The following ADAMTSL1 variants were observed in gnomAD, a reference collection of about 807,000 sequenced individuals.
ADAMTSL1 encodes ADAMTS like 1.
ADAMTSL1 carries 126 observed loss-of-function variants against 201.8 expected under a neutral mutation model. The observed-to-expected ratio is 0.62, with a 90% CI of 0.54 to 0.72. The LOEUF (loss-of-function observed/expected upper bound fraction) is 0.72. ADAMTSL1 is among the 30% of genes least tolerant of loss of function. The pLI, the probability that ADAMTSL1 is intolerant of heterozygous loss-of-function variation, is 0.00. For missense variants in ADAMTSL1, 2,679 were observed against 2,277.8 expected (o/e 1.18, Z -3.59); for synonymous variants, 1,121 against 903.4 (o/e 1.24, Z -4.32).
At chr9:18,580,104 A>G (rs1466639803) in intron 4 of ADAMTSL1, among the ~76,000 whole-genome samples, 1 of 152,218 alleles carries the variant, frequency 6.6e-6, no homozygotes, top group African/African-American at 2.4e-5. Flanking sequence ...CATATTTATA[A>G]TATTGCTTAT....
chr9:18,810,682 T>G (rs1823444368), intron 20 of ADAMTSL1, among the ~76,000 whole-genome samples: 1 of 152,088 alleles, frequency 6.6e-6, no homozygotes, highest in Non-Finnish European at 1.5e-5. Flanking sequence ...AATGAATGAG[T>G]CTTTTCATTG....
chr9:18,696,178 C>CTGT (rs1831537993), intron 13 of ADAMTSL1, among the ~76,000 whole-genome samples: 2 of 152,160 alleles, frequency 1.3e-5, no homozygotes, highest in Non-Finnish European at 2.9e-5. Context: ...TGGACAGGGA[C>CTGT]ACAAATCCAA....
At chr9:18,364,373 A>G (rs1836670109) in intron 2 of ADAMTSL1, among the ~76,000 whole-genome samples, 1 of 152,128 alleles carries the variant, frequency 6.6e-6, no homozygotes, top group Admixed American at 6.5e-5. Context: ...TAAAAAACTC[A>G]GGCGACAATT....
At chr9:17,976,685 T>C (rs1022090624) in intron 1 of ADAMTSL1, among the ~76,000 whole-genome samples, 1 of 151,708 alleles carries the variant, frequency 6.6e-6, no homozygotes, top group African/African-American at 2.4e-5. Flanking sequence ...TTTCTCACTC[T>C]CTCTCTTGCT....
At chr9:18,412,966 A>ATG (rs1260956067) in intron 2 of ADAMTSL1, among the ~76,000 whole-genome samples, 1 of 152,084 alleles carries the variant, frequency 6.6e-6, no homozygotes, top group African/African-American at 2.4e-5. Flanking sequence ...AGAGATATCT[A>ATG]TGTGTGTGTG....
At chr9:18,102,655 T>A (rs755206138) in intron 1 of ADAMTSL1, among the ~76,000 whole-genome samples, 1 of 152,164 alleles carries the variant, frequency 6.6e-6, no homozygotes, top group South Asian at 2.1e-4. Context: ...GGCTGGTTTG[T>A]GCAAAGGTAC....
intron 16 of ADAMTSL1, among the ~76,000 whole-genome samples, chr9:18,769,064 A>C (rs1229448018): frequency 6.6e-6 from 1 of 152,176 alleles, no homozygotes; most frequent in African/African-American, 2.4e-5. Flanking sequence ...TACTTTTTAA[A>C]AGCTCCCCAG....
chr9:18,034,079 T>C (rs1027683945), intron 1 of ADAMTSL1, among the ~76,000 whole-genome samples: 1 of 152,208 alleles, frequency 6.6e-6, no homozygotes, highest in Non-Finnish European at 1.5e-5. Flanking sequence ...TCTTGCTTTT[T>C]CAATTGTTTC....
intron 26 of ADAMTSL1, among the ~76,000 whole-genome samples, chr9:18,898,191 A>G (rs1263768650): frequency 6.6e-6 from 1 of 152,230 alleles, no homozygotes; most frequent in African/African-American, 2.4e-5. Flanking sequence ...TCCGTCTCAA[A>G]AAAAGAAGGT....
At chr9:18,890,640 G>T (rs552127056) in intron 25 of ADAMTSL1, 1 of 455,884 alleles carries the variant, frequency 2.2e-6, no homozygotes, top group South Asian at 1.5e-5. Context: ...ACTTGCTGAC[G>T]GGAAGGTTTC....
chr9:18,622,761 G>C, intron 5 of ADAMTSL1: 1 of 351,088 alleles, frequency 2.8e-6, no homozygotes, highest in Non-Finnish European at 5.1e-6. Context: ...TCCTGTCACT[G>C]TGAAGTCACA....
intron 1 of ADAMTSL1, among the ~76,000 whole-genome samples, chr9:18,107,812 C>G (rs980256444): frequency 6.6e-6 from 1 of 152,038 alleles, no homozygotes; most frequent in Non-Finnish European, 1.5e-5. Flanking sequence ...AGGTATATAA[C>G]CTGGTACAGA....
chr9:18,132,001 C>T (rs983552797), intron 1 of ADAMTSL1, among the ~76,000 whole-genome samples: 2 of 152,060 alleles, frequency 1.3e-5, no homozygotes. Context: ...AGTGTTAATT[C>T]CTGAATTTAT....
rs935711269 is a variant in ADAMTSL1, at chr9:17,927,058, G to A, written c.87+20136G>A. Among the ~76,000 whole-genome samples the A allele has an allele frequency of 4.6e-5, 7 of 152,002 alleles. 1 individual carries two copies. The highest frequency in any genetic ancestry group is 1.3e-4 in the Admixed American group (2 of 15,248). On this transcript the variant is annotated intron_variant, in intron 1 of 29. Transcript: ENST00000680146. ...AGTCTATAGCCACGAACAACTCCTC[G>A]TTCTTTTCTTCCCCTATCCCCTGGC... is the stretch of plus-strand genomic sequence containing the variant.
At position 18,327,169 on chromosome 9, in the gene ADAMTSL1, T is replaced by TCTAAA. The variant is rs772863824; in HGVS notation, c.207+163188_207+163189insCTAAA. On this transcript the variant is annotated intron_variant, in intron 2 of 29. Coordinates refer to the ADAMTSL1 transcript ENST00000680146. ...TATGCAGCTTCTTTCTAAAGAGCAG[T>TCTAAA]GACACTCTTGTTTCTGTAATAACTG... 6.3e-3 allele frequency among the ~76,000 whole-genome samples: 956 copies of TCTAAA among 152,362 alleles called. 3 individuals are homozygous for TCTAAA. The highest frequency in any genetic ancestry group is 0.01 in the Non-Finnish European group (698 of 68,036).
At chr9:18,807,537 C>A (rs1429834837) in intron 20 of ADAMTSL1, among the ~76,000 whole-genome samples, 1 of 151,376 alleles carries the variant, frequency 6.6e-6, no homozygotes, top group Non-Finnish European at 1.5e-5. Flanking sequence ...CCCAGCTAGT[C>A]GGGAGCCTGA....
intron 2 of ADAMTSL1, among the ~76,000 whole-genome samples, chr9:18,462,957 A>G (rs1423944525): frequency 6.6e-6 from 1 of 151,952 alleles, no homozygotes; most frequent in Non-Finnish European, 1.5e-5. Flanking sequence ...AAAAATAAAA[A>G]TAAAAAATAA....
intron 9 of ADAMTSL1, among the ~76,000 whole-genome samples, chr9:18,664,269 T>C (rs569443971): frequency 2.8e-4 from 42 of 152,138 alleles, no homozygotes; most frequent in African/African-American, 9.9e-4. Context: ...AAGCAACCCT[T>C]CTGAATTCTA....
At chr9:18,695,681 T>G (rs1416270613) in intron 13 of ADAMTSL1, among the ~76,000 whole-genome samples, 1 of 152,216 alleles carries the variant, frequency 6.6e-6, no homozygotes, top group African/African-American at 2.4e-5. Context: ...ATTTACCAAG[T>G]CTTTAGGAAA....
Sources: gnomAD v4.1 joint callset for allele counts (sites outside exome capture counted in the v4.1 genomes callset) on GRCh38, gnomAD v4.1.1 for gene constraint, MANE v1.5 for transcripts, NCBI Gene and HGNC (gene_info 2026-07-23, HGNC 2026-07-21) for gene names.